CEP170: variants seen among roughly 807,000 people sequenced by gnomAD.
CEP170 encodes the protein centrosomal protein of 170 kDa.
Under a neutral mutation model 151.9 loss-of-function variants are expected in CEP170, and 21 were observed. The observed-to-expected ratio is 0.14, with a 90% CI of 0.10 to 0.20. The LOEUF (loss-of-function observed/expected upper bound fraction) is 0.20, where lower values mean the gene tolerates loss of function less well. Ranked by LOEUF, CEP170 falls within the 10% of genes least tolerant of loss-of-function variation. The probability of loss-of-function intolerance (pLI) is 1.00; values close to 1 mark genes in which losing one functional copy is unlikely to be tolerated. For synonymous variants in CEP170, 356 were observed against 648.8 expected (o/e 0.55, Z 6.86); for missense variants, 964 against 1,892.9 (o/e 0.51, Z 9.11).
rs115993201 is a variant in CEP170, at chr1:243,242,653, C to T, written c.-42+12387G>A. ...AAACTTTACTTTATTTACCTTTCACCGACTTGGATTCTATTTGTTCATGCC... is the reference window on the plus strand; with the variant it reads ...AAACTTTACTTTATTTACCTTTCACTGACTTGGATTCTATTTGTTCATGCC... On this transcript the variant is annotated intron_variant, in intron 1 of 19. Coordinates refer to ENST00000366542, the MANE Select transcript of CEP170 (RefSeq NM_014812.3). Among the ~76,000 whole-genome samples the T allele has an allele frequency of 3.1e-3, 465 of 152,252 alleles. 1 individual carries two copies. The highest frequency in any genetic ancestry group is 0.011 in the African/African-American group (439 of 41,548).
chr1:243,228,797 CAAT>C (rs549359761), intron 1 of CEP170, among the ~76,000 whole-genome samples: 138 of 152,054 alleles, frequency 9.1e-4, no homozygotes, highest in Middle Eastern at 3.2e-3. Flanking sequence ...TATAAACATA[CAAT>C]AATTATACAG....
At position 243,250,237 on chromosome 1, in the gene CEP170, T is replaced by C. The variant is rs537869198; in HGVS notation, c.-42+4803A>G. 1.3e-3 allele frequency among the ~76,000 whole-genome samples: 198 copies of C among 152,348 alleles called. 1 individual carries two copies. Among genetic ancestry groups the C allele is most frequent in the Admixed American group, 3.7e-3 (56 of 15,306 alleles). Reference sequence around the variant, plus strand: ...TGCATGGCTTTGTCCTTGGCTATATTAAGTATATGGCCAGGATGGAGACAT... The same window carrying C: ...TGCATGGCTTTGTCCTTGGCTATATCAAGTATATGGCCAGGATGGAGACAT... On this transcript the variant is annotated intron_variant, in intron 1 of 19. Transcript: ENST00000366542.
At chr1:243,238,391 C>G (rs2064461849) in intron 1 of CEP170, among the ~76,000 whole-genome samples, 1 of 151,718 alleles carries the variant, frequency 6.6e-6, no homozygotes, top group East Asian at 1.9e-4. Flanking sequence ...CCCAGGAGGT[C>G]AAGGATGCAG....
intron 1 of CEP170, among the ~76,000 whole-genome samples, chr1:243,234,125 C>G (rs954694396): frequency 3.9e-5 from 6 of 152,166 alleles, no homozygotes; most frequent in African/African-American, 1.4e-4. Flanking sequence ...CTCCTCTCAC[C>G]CCACAACTCC....
intron 4 of CEP170, among the ~76,000 whole-genome samples, chr1:243,207,475 TAAG>T (rs764441350): frequency 3.2e-4 from 49 of 152,182 alleles, no homozygotes; most frequent in Non-Finnish European, 6.5e-4. Context: ...ATTGAAAGAG[TAAG>T]AAGACAATAA....
chr1:243,147,726 A>T (rs555847793), intron 14 of CEP170, among the ~76,000 whole-genome samples: 5 of 152,318 alleles, frequency 3.3e-5, no homozygotes, highest in African/African-American at 1.2e-4. Context: ...TCACATCCTA[A>T]TTTTTTTCCC....
intron 19 of CEP170, 23 bp downstream of exon 19, chr1:243,128,219 TCTTTATA>T (rs982875996): frequency 1.3e-6 from 2 of 1,545,674 alleles, no homozygotes; most frequent in African/African-American, 2.8e-5. Context: ...AATTATTAGC[TCTTTATA>T]CTTAATTCAG....
chr1:243,179,982 T>C (rs1333933338), intron 10 of CEP170, among the ~76,000 whole-genome samples: 2 of 152,202 alleles, frequency 1.3e-5, no homozygotes, highest in Non-Finnish European at 2.9e-5. Flanking sequence ...GAGATGGGTA[T>C]AGAGTTTCCA....
chr1:243,147,332 C>A (rs1211573076), intron 14 of CEP170, among the ~76,000 whole-genome samples: 1 of 152,206 alleles, frequency 6.6e-6, no homozygotes, highest in African/African-American at 2.4e-5. Context: ...TGCTATTCTG[C>A]CACTTAACTG....
chr1:243,149,104 C>T (rs907651120), intron 14 of CEP170, among the ~76,000 whole-genome samples: 1 of 152,040 alleles, frequency 6.6e-6, no homozygotes, highest in Non-Finnish European at 1.5e-5. Context: ...AAGGCACCTC[C>T]CATTATTGTG....
At position 243,165,021 on chromosome 1, in the gene CEP170, G is replaced by A; in HGVS notation, c.2939C>T (p.Ser980Leu). ...CATTTTTTCCCTAGCACCTGAAGAT[G>A]ATGATTTTGTAACATCTTTGGAAGG... ...GSPSKDVTKS[S>L]SSGAREKMEK... The change falls in exon 13 of 20, where the codon TCA (serine) becomes TTA (leucine). Residue 980 changes from serine (S) to leucine (L), a missense_variant. Coordinates refer to ENST00000366542, the MANE Select transcript of CEP170 (RefSeq NM_014812.3). The A allele has an allele frequency of 6.2e-7, 1 of 1,613,080 alleles. No homozygotes were observed. Among genetic ancestry groups the A allele is most frequent in the Non-Finnish European group, 8.5e-7 (1 of 1,179,398 alleles).
intron 10 of CEP170, among the ~76,000 whole-genome samples, chr1:243,182,384 T>C (rs1433945425): frequency 6.6e-6 from 1 of 152,164 alleles, no homozygotes; most frequent in Non-Finnish European, 1.5e-5. Flanking sequence ...CTGCCCTCTA[T>C]TGTCTAATAA....
chr1:243,161,876 G>A (rs1321739114), intron 13 of CEP170, among the ~76,000 whole-genome samples: 2 of 152,196 alleles, frequency 1.3e-5, no homozygotes, highest in East Asian at 3.9e-4. Context: ...ATCTTAAAAA[G>A]AAATGTTATA....
Position 243,169,675 on chromosome 1 carries a change from T to C in CEP170, c.1796A>G (p.Gln599Arg), listed in dbSNP as rs374384295. ...SLAANHTRHD[Q>R]EERIMEFSAP... The stretch of plus-strand genomic sequence containing the variant: ...AGAAAATTCCATTATCCTTTCTTCT[T>C]GATCATGCCTTGTATGATTGGCAGC... Residue 599 changes from glutamine (Q) to arginine (R), a missense_variant, in exon 12 of 20, where the codon CAA becomes CGA. By Grantham distance (43) the Gln-to-Arg change is conservative. Transcript: ENST00000366542. 9.9e-6 allele frequency: 16 copies of C among 1,612,822 alleles called. No individual in the cohort carries two copies. The highest frequency in any genetic ancestry group is 1.2e-5 in the Non-Finnish European group (14 of 1,179,414).
chr1:243,189,326 GT>G (rs2060133087), intron 8 of CEP170, among the ~76,000 whole-genome samples: 1 of 152,116 alleles, frequency 6.6e-6, no homozygotes, highest in African/African-American at 2.4e-5. Context: ...GGAGGCTAAG[GT>G]GGGTGGATCA....
At position 243,221,789 on chromosome 1, in the gene CEP170, C is replaced by G; in HGVS notation, c.130G>C (p.Ala44Pro). 6.2e-7 allele frequency: 1 copy of G among 1,612,154 alleles called. No individual in the cohort carries two copies. The highest frequency in any genetic ancestry group is 8.5e-7 in the Non-Finnish European group (1 of 1,179,160). ...LQSRSVDKQH[A>P]VINYDASTDE... The stretch of plus-strand genomic sequence containing the variant: ...GTAGACGCATCATAGTTGATGACAG[C>G]GTGTTGCTTATCCACACTACGAGAC... Residue 44 changes from alanine (A) to proline (P), a missense_variant, in exon 3 of 20, where the codon GCT (alanine) becomes CCT (proline). Transcript: ENST00000366542.
At chr1:243,193,035 A>C (rs1045262869) in intron 7 of CEP170, among the ~76,000 whole-genome samples, 2 of 152,114 alleles carry the variant, frequency 1.3e-5, no homozygotes, top group African/African-American at 4.8e-5. Flanking sequence ...AAGTATTGGA[A>C]AAACTCTACA....
chr1:243,236,430 T>C (rs1169895853), intron 1 of CEP170, among the ~76,000 whole-genome samples: 1 of 152,248 alleles, frequency 6.6e-6, no homozygotes, highest in Non-Finnish European at 1.5e-5. Flanking sequence ...CAATAAATGC[T>C]GACAGTTCAT....
intron 7 of CEP170, among the ~76,000 whole-genome samples, chr1:243,194,822 A>T (rs1359914747): frequency 6.6e-6 from 1 of 151,882 alleles, no homozygotes; most frequent in Non-Finnish European, 1.5e-5. Context: ...GACTAATATT[A>T]TATTATTAAT....
Sources: gnomAD v4.1 joint callset for allele counts (sites outside exome capture counted in the v4.1 genomes callset) on GRCh38, gnomAD v4.1.1 for gene constraint, MANE v1.5 for transcripts, NCBI Gene and HGNC (gene_info 2026-07-23, HGNC 2026-07-21) for gene names.